The following KCNMB2 variants were observed in gnomAD, a reference collection of about 807,000 sequenced individuals.
The protein encoded by KCNMB2 is potassium calcium-activated channel subfamily M regulatory beta subunit 2, also known as calcium-activated potassium channel subunit beta-2.
Under a neutral mutation model 24.5 loss-of-function variants are expected in KCNMB2, and 9 were observed. The ratio of observed to expected loss-of-function variants is 0.37; its 90% CI spans 0.22 to 0.64. KCNMB2 has a LOEUF of 0.64. Among genes scored for constraint, KCNMB2 ranks in the 30% least tolerant of loss-of-function variants. The pLI, the probability that KCNMB2 is intolerant of heterozygous loss-of-function variation, is 0.63. For missense variants in KCNMB2, 226 were observed against 284.3 expected, an observed-to-expected ratio of 0.79 and a Z score of 1.47; for synonymous variants, 109 against 104.4, an observed-to-expected ratio of 1.04 and a Z score of -0.27.
intron 1 of KCNMB2, among the ~76,000 whole-genome samples, chr3:178,614,265 A>G (rs1232190162): frequency 1.1e-4 from 8 of 72,570 alleles, no homozygotes; most frequent in African/African-American, 3.1e-4. Flanking sequence ...ATATATATAT[A>G]TATATATATA....
At chr3:178,806,694 TA>T in intron 1 of KCNMB2, among the ~76,000 whole-genome samples, 1 of 150,842 alleles carries the variant, frequency 6.6e-6, no homozygotes, top group Admixed American at 6.6e-5. Flanking sequence ...ATAATAATAA[TA>T]ATAATAATAA....
At chr3:178,803,796 A>G (rs1352495232) in intron 1 of KCNMB2, among the ~76,000 whole-genome samples, 1 of 152,194 alleles carries the variant, frequency 6.6e-6, no homozygotes, top group Non-Finnish European at 1.5e-5. Context: ...CTCATTCACC[A>G]TGAAGGCAGA....
intron 1 of KCNMB2, among the ~76,000 whole-genome samples, chr3:178,552,132 T>C (rs541120840): frequency 3.3e-5 from 5 of 152,274 alleles, no homozygotes; most frequent in Non-Finnish European, 7.3e-5. Flanking sequence ...TCCCTTTGTA[T>C]ATGCACAAGG....
At chr3:178,772,450 C>G (rs1386982149) in intron 1 of KCNMB2, among the ~76,000 whole-genome samples, 1 of 152,172 alleles carries the variant, frequency 6.6e-6, no homozygotes, top group African/African-American at 2.4e-5. Flanking sequence ...CTCACAAGAT[C>G]TGACAGTTTT....
chr3:178,638,869 T>C (rs1418017370), intron 1 of KCNMB2, among the ~76,000 whole-genome samples: 2 of 152,208 alleles, frequency 1.3e-5, no homozygotes, highest in Non-Finnish European at 2.9e-5. Flanking sequence ...TAGTCAATCA[T>C]TTCCTTATGG....
rs572886486 is a variant in KCNMB2, at chr3:178,587,983, T to C, written c.-68+51272T>C. On this transcript the variant is annotated intron_variant, in intron 1 of 4. Coordinates refer to ENST00000452583, the MANE Select transcript of KCNMB2 (RefSeq NM_181361.3). ...CAATTCCCACCTATGAGTGAGAACA[T>C]GCGGTGTTTGGTTTTCTGTCCTTGC... Among the ~76,000 whole-genome samples the C allele has an allele frequency of 4.8e-5, 7 of 145,262 alleles. No homozygotes were observed. The South Asian group carries it at 1.1e-3, about 23-fold the overall frequency.
At chr3:178,557,875 A>G (rs1397670212) in intron 1 of KCNMB2, among the ~76,000 whole-genome samples, 4 of 152,192 alleles carry the variant, frequency 2.6e-5, no homozygotes, top group Non-Finnish European at 5.9e-5. Flanking sequence ...GACCACCATC[A>G]AACAGCAAGT....
In KCNMB2 at chr3:178,843,396, C is replaced by A; in HGVS notation, c.*459C>A. 1 of 210,676 alleles carries A rather than the reference C, an allele frequency of 4.7e-6. No individual in the cohort carries two copies. The highest frequency in any genetic ancestry group is 5.7e-5 in the South Asian group (1 of 17,576). The allele number at this position is 210,676 out of a possible 1,614,324, so 13.1% of individuals were successfully genotyped here. On this transcript the variant is annotated 3_prime_UTR_variant, in exon 5 of 5. Coordinates refer to ENST00000452583, the MANE Select transcript of KCNMB2 (RefSeq NM_181361.3). ...CTGAGCCCTATAGCAAGTGAAGGGA[C>A]CAGATTTCCTAATTAAAGGAAGTTA...
At chr3:178,740,950 T>C (rs377376192) in intron 1 of KCNMB2, among the ~76,000 whole-genome samples, 5 of 152,192 alleles carry the variant, frequency 3.3e-5, no homozygotes, top group African/African-American at 1.2e-4. Flanking sequence ...CATCAATTCT[T>C]CACAAGTGAC....
chr3:178,782,430 T>C (rs1009876364), intron 1 of KCNMB2, among the ~76,000 whole-genome samples: 1,548 of 151,808 alleles, frequency 0.01, 27 homozygotes, highest in African/African-American at 0.035. Context: ...GTTCCTATTT[T>C]TCCACATCCT....
intron 1 of KCNMB2, among the ~76,000 whole-genome samples, chr3:178,657,585 T>C (rs1360662753): frequency 6.6e-6 from 1 of 152,266 alleles, no homozygotes; most frequent in East Asian, 1.9e-4. Context: ...GTCTGTGGTC[T>C]GTAATCAGTT....
intron 2 of KCNMB2, among the ~76,000 whole-genome samples, chr3:178,821,355 AG>A (rs1253395783): frequency 6.6e-6 from 1 of 152,168 alleles, no homozygotes; most frequent in Non-Finnish European, 1.5e-5. Flanking sequence ...ATGGTGTAGA[AG>A]GGGCCAACTA....
chr3:178,762,502 A>G (rs1711944056), intron 1 of KCNMB2, among the ~76,000 whole-genome samples: 1 of 152,226 alleles, frequency 6.6e-6, no homozygotes, highest in South Asian at 2.1e-4. Context: ...GAAAACCATT[A>G]ATAGATTTAA....
At chr3:178,701,740 A>G (rs1384420300) in intron 1 of KCNMB2, among the ~76,000 whole-genome samples, 1 of 152,240 alleles carries the variant, frequency 6.6e-6, no homozygotes, top group East Asian at 1.9e-4. Context: ...ACCAGTTAGA[A>G]TGGCAATCAT....
At chr3:178,562,721 C>T (rs931266151) in intron 1 of KCNMB2, among the ~76,000 whole-genome samples, 2 of 152,150 alleles carry the variant, frequency 1.3e-5, no homozygotes, top group Admixed American at 6.5e-5. Flanking sequence ...GTATTGCTAT[C>T]ATCATAGCAT....
chr3:178,584,215 C>T (rs1717336337), intron 1 of KCNMB2, among the ~76,000 whole-genome samples: 1 of 152,228 alleles, frequency 6.6e-6, no homozygotes, highest in South Asian at 2.1e-4. Flanking sequence ...AGTTTAGTGC[C>T]TCCAAAGCAG....
At chr3:178,735,864 A>G (rs546592213) in intron 1 of KCNMB2, among the ~76,000 whole-genome samples, 1 of 152,366 alleles carries the variant, frequency 6.6e-6, no homozygotes, top group Admixed American at 6.5e-5. Context: ...ACCGTGCTTG[A>G]TGACAATAGC....
intron 1 of KCNMB2, among the ~76,000 whole-genome samples, chr3:178,733,416 T>C (rs1723215204): frequency 6.6e-6 from 1 of 152,160 alleles, no homozygotes; most frequent in Admixed American, 6.5e-5. Context: ...CTGGATTGAA[T>C]AGGCAGCCAA....
rs186652609 is a variant in KCNMB2, at chr3:178,568,114, A to T, written c.-68+31403A>T. ...TCATGTAAAGAGGTAATTTTTAGTT[A>T]TCTAGAAAATTAACATATGGAAAGC... On this transcript the variant is annotated intron_variant, in intron 1 of 4. Coordinates refer to ENST00000452583, the MANE Select transcript of KCNMB2 (RefSeq NM_181361.3). Among the ~76,000 whole-genome samples, 142 of 152,332 alleles carry T rather than the reference A, an allele frequency of 9.3e-4. 1 individual carries two copies. Among genetic ancestry groups the T allele is most frequent in the Non-Finnish European group, 1.4e-3 (94 of 68,020 alleles).
Sources: gnomAD v4.1 joint callset for allele counts (sites outside exome capture counted in the v4.1 genomes callset) on GRCh38, gnomAD v4.1.1 for gene constraint, MANE v1.5 for transcripts, NCBI Gene and HGNC (gene_info 2026-07-23, HGNC 2026-07-21) for gene names.